Variants in DNAJB9 observed in about 807,000 individuals in gnomAD.
The protein encoded by DNAJB9 is dnaJ homolog subfamily B member 9.
DNAJB9 carries 12 observed loss-of-function variants against 19.2 expected under a neutral mutation model. The ratio of observed to expected loss-of-function variants is 0.62; its 90% CI spans 0.40 to 1.01. The LOEUF is 1.01. DNAJB9 is among the 50% of genes least tolerant of loss of function. The probability of loss-of-function intolerance (pLI) is 0.00; values close to 1 mark genes in which losing one functional copy is unlikely to be tolerated. For missense variants in DNAJB9, 272 were observed against 261.1 expected, an observed-to-expected ratio of 1.04 and a Z score of -0.29; for synonymous variants, 83 against 84.0, an observed-to-expected ratio of 0.99 and a Z score of 0.07.
In DNAJB9 at chr7:108,572,900, A is replaced by G. The variant is rs953514304; in HGVS notation, c.219A>G (p.Ala73=). The part of the protein sequence containing the change: ...AEAKFREIAE[A]YETLSDANRR... ...TAAAAATATTTTTGTCACTTTCAGC[A>G]TATGAAACACTCTCAGATGCTAATA... Residue 73 remains alanine (A), a splice_region_variant and synonymous_variant, in exon 3 of 3, where the codon GCA becomes GCG. Transcript: ENST00000249356. The G allele has an allele frequency of 2.5e-6, 4 of 1,592,502 alleles. No individual in the cohort carries two copies. Among genetic ancestry groups the G allele is most frequent in the Non-Finnish European group, 3.4e-6 (4 of 1,168,700 alleles).
In DNAJB9 at chr7:108,573,127, C is replaced by T. The variant is rs1323335309; in HGVS notation, c.446C>T (p.Ser149Phe). Residue 149 changes from serine (S) to phenylalanine (F), a missense_variant, in exon 3 of 3, where the codon TCC becomes TTC. Coordinates refer to ENST00000249356, the MANE Select transcript of DNAJB9 (RefSeq NM_012328.3). ...NHFQTRQDGG[S>F]SRQRHHFQEF... ...TTCCAGACACGCCAGGATGGTGGTT[C>T]CAGTAGACAAAGGCATCATTTCCAA... is the stretch of plus-strand genomic sequence containing the variant. 5 of 1,613,980 alleles carry T rather than the reference C, an allele frequency of 3.1e-6. No individual in the cohort carries two copies. The highest frequency in any genetic ancestry group is 3.4e-6 in the Non-Finnish European group (4 of 1,179,924).
chr7:108,574,280 T>C lies in DNAJB9; in HGVS notation c.*927T>C, dbSNP rs879197346. On this transcript the variant is annotated 3_prime_UTR_variant, in exon 3 of 3. Transcript: ENST00000249356. ...GTGCTTTTGTTTTCGGATAGACTTA[T>C]TTCTTTAGTTCTGCACTTTTCCACA... 1.3e-5 allele frequency: 2 copies of C among 152,766 alleles called. No homozygotes were observed. Among genetic ancestry groups the C allele is most frequent in the South Asian group, 2.1e-4 (1 of 4,828 alleles). 9.5% of individuals were successfully genotyped at this position (152,766 alleles called of 1,614,324 possible). A position where few individuals can be genotyped will look rare whatever the true frequency, so the allele number is the denominator to read the frequency against.
In DNAJB9 at chr7:108,573,512, A is replaced by G. The variant is rs1790653751; in HGVS notation, c.*159A>G. On this transcript the variant is annotated 3_prime_UTR_variant, in exon 3 of 3. Coordinates refer to ENST00000249356, the MANE Select transcript of DNAJB9 (RefSeq NM_012328.3). ...TTTAAGGGTTTTTTTTTTTTGACAAATTCAACATTCAACGAGTAGACAAAA... is the reference window on the plus strand; with the variant it reads ...TTTAAGGGTTTTTTTTTTTTGACAAGTTCAACATTCAACGAGTAGACAAAA... 2.2e-6 allele frequency: 1 copy of G among 446,892 alleles called. No individual in the cohort carries two copies. The highest frequency in any genetic ancestry group is 3.8e-6 in the Non-Finnish European group (1 of 265,210). The allele number at this position is 446,892 out of a possible 1,614,324, so 27.7% of individuals were successfully genotyped here.
chr7:108,574,201 A>G lies in DNAJB9; in HGVS notation c.*848A>G, dbSNP rs1036859926. The G allele has an allele frequency of 2.0e-5, 3 of 152,596 alleles. No individual in the cohort carries two copies. The highest frequency in any genetic ancestry group is 7.2e-5 in the African/African-American group (3 of 41,448). The allele number at this position is 152,596 out of a possible 1,614,324, so 9.5% of individuals were successfully genotyped here. A position where few individuals can be genotyped will look rare whatever the true frequency, so the allele number is the denominator to read the frequency against. On this transcript the variant is annotated 3_prime_UTR_variant, in exon 3 of 3. Coordinates refer to ENST00000249356, the MANE Select transcript of DNAJB9 (RefSeq NM_012328.3). Reference sequence around the variant, plus strand: ...CCTCATTCTGTTTGTAAAACCAGCCAGTAATTTCTGTGCAACCTTACTATG... The same window carrying G: ...CCTCATTCTGTTTGTAAAACCAGCCGGTAATTTCTGTGCAACCTTACTATG...
chr7:108,569,897 C>T lies in DNAJB9; in HGVS notation c.-217C>T, dbSNP rs180681490. ...CTGAGGTGGTGGCGCCAGCGGCTAC[C>T]TCCTGCCTGTGAGGAGCTGGCTGAG... On this transcript the variant is annotated 5_prime_UTR_variant, in exon 1 of 3. Transcript: ENST00000249356. The T allele has an allele frequency of 1.6e-4, 74 of 449,866 alleles. No homozygotes were observed. The highest frequency in any genetic ancestry group is 1.4e-3 in the East Asian group (34 of 24,266). The allele number at this position is 449,866 out of a possible 1,614,324, so 27.9% of individuals were successfully genotyped here. A position where few individuals can be genotyped will look rare whatever the true frequency, so the allele number is the denominator to read the frequency against.
At chr7:108,570,499 T>G (rs567635947) in intron 1 of DNAJB9, among the ~76,000 whole-genome samples, 2 of 148,004 alleles carry the variant, frequency 1.4e-5, no homozygotes, top group East Asian at 1.9e-4. Context: ...ACAAAACTAG[T>G]CTGCTAAAAA....
rs1790590529 is a variant in DNAJB9 at position 108,570,091 on chromosome 7, T to G, written c.-23T>G. 1 of 173,862 alleles carries G rather than the reference T, an allele frequency of 5.8e-6. No individual in the cohort carries two copies. The highest frequency in any genetic ancestry group is 1.3e-5 in the Non-Finnish European group (1 of 79,130). 10.8% of individuals were successfully genotyped at this position (173,862 alleles called of 1,614,324 possible). A position where few individuals can be genotyped will look rare whatever the true frequency, so the allele number is the denominator to read the frequency against. ...CAGCTCTGTGGAGGAGCAGCAGTAG[T>G]CGGAGGGTGCAGGTGAGGGACGAGG... On this transcript the variant is annotated 5_prime_UTR_variant, in exon 1 of 3. Transcript: ENST00000249356.
Position 108,574,185 on chromosome 7 carries a change from G to A in DNAJB9, c.*832G>A, listed in dbSNP as rs1190006829. ...TAGAGATTGACTGATACCTCATTCTGTTTGTAAAACCAGCCAGTAATTTCT... is the reference window on the plus strand; with the variant it reads ...TAGAGATTGACTGATACCTCATTCTATTTGTAAAACCAGCCAGTAATTTCT... On this transcript the variant is annotated 3_prime_UTR_variant, in exon 3 of 3. Coordinates refer to ENST00000249356, the MANE Select transcript of DNAJB9 (RefSeq NM_012328.3). 1 of 152,508 alleles carries A rather than the reference G, an allele frequency of 6.6e-6. No homozygotes were observed. The highest frequency in any genetic ancestry group is 2.4e-5 in the African/African-American group (1 of 41,410). The allele number at this position is 152,508 out of a possible 1,614,324, so 9.4% of individuals were successfully genotyped here.
In DNAJB9 at chr7:108,574,815, T is replaced by C. The variant is rs1790676640; in HGVS notation, c.*1462T>C. 1 of 152,218 alleles carries C rather than the reference T, an allele frequency of 6.6e-6. No homozygotes were observed. The highest frequency in any genetic ancestry group is 2.1e-4 in the South Asian group (1 of 4,832). 9.4% of individuals were successfully genotyped at this position (152,218 alleles called of 1,614,324 possible). On this transcript the variant is annotated 3_prime_UTR_variant, in exon 3 of 3. Transcript: ENST00000249356. ...TTTCCTGGAAGTTATATCTACTAGT[T>C]TTGTTTGATAATAATAAAATTAGCT...
intron 1 of DNAJB9, among the ~76,000 whole-genome samples, chr7:108,571,407 A>G (rs1325752299): frequency 5.3e-5 from 8 of 151,810 alleles, no homozygotes; most frequent in Admixed American, 5.2e-4. Flanking sequence ...TTTTCTTACA[A>G]TGCTTGCATA....
rs1564013503 is a variant in DNAJB9, at chr7:108,569,964, G to T, written c.-150G>T. 1 of 301,284 alleles carries T rather than the reference G, an allele frequency of 3.3e-6. No homozygotes were observed. The highest frequency in any genetic ancestry group is 6.5e-6 in the Non-Finnish European group (1 of 154,166). The allele number at this position is 301,284 out of a possible 1,614,324, so 18.7% of individuals were successfully genotyped here. Reference sequence around the variant, plus strand: ...GCGGGGAAGGAGGAGCGCTAGGTCGGTGTACGACCGAGATTAGGGTGCGTG... The same window carrying T: ...GCGGGGAAGGAGGAGCGCTAGGTCGTTGTACGACCGAGATTAGGGTGCGTG... On this transcript the variant is annotated 5_prime_UTR_variant, in exon 1 of 3. Coordinates refer to ENST00000249356, the MANE Select transcript of DNAJB9 (RefSeq NM_012328.3).
At chr7:108,572,043 G>A in intron 2 of DNAJB9, 100 bp downstream of exon 2, 1 of 1,126,088 alleles carries the variant, frequency 8.9e-7, no homozygotes, top group Non-Finnish European at 1.3e-6. Flanking sequence ...GAGATGGGAG[G>A]TGGAGTGGGA....
rs1345819313 is a variant in DNAJB9 at position 108,573,518 on chromosome 7, C to T, written c.*165C>T. On this transcript the variant is annotated 3_prime_UTR_variant, in exon 3 of 3. Transcript: ENST00000249356. ...GGTTTTTTTTTTTTGACAAATTCAA[C>T]ATTCAACGAGTAGACAAAATGCTAA... 4.5e-6 allele frequency: 2 copies of T among 447,090 alleles called. No homozygotes were observed. The highest frequency in any genetic ancestry group is 4.0e-5 in the Admixed American group (1 of 24,856). The allele number at this position is 447,090 out of a possible 1,614,324, so 27.7% of individuals were successfully genotyped here.
intron 1 of DNAJB9, among the ~76,000 whole-genome samples, 174 bp downstream of exon 1, chr7:108,570,277 G>A (rs564821422): frequency 6.6e-6 from 1 of 152,122 alleles, no homozygotes; most frequent in Non-Finnish European, 1.5e-5. Flanking sequence ...TCACAGAATC[G>A]TGTTTTGGGT....
intron 2 of DNAJB9, among the ~76,000 whole-genome samples, chr7:108,572,493 C>G (rs1168801327): frequency 6.6e-6 from 1 of 152,102 alleles, no homozygotes; most frequent in Non-Finnish European, 1.5e-5. Context: ...AAACAGTTTA[C>G]TTTAGTAAGG....
Position 108,572,893 on chromosome 7 carries a change from T to C in DNAJB9, c.218-6T>C. On this transcript the variant is annotated splice_polypyrimidine_tract_variant and splice_region_variant and intron_variant, in intron 2 of 2. Coordinates refer to ENST00000249356, the MANE Select transcript of DNAJB9 (RefSeq NM_012328.3). ...CAGTTACTAAAAATATTTTTGTCACTTTCAGCATATGAAACACTCTCAGAT... is the reference window on the plus strand; with the variant it reads ...CAGTTACTAAAAATATTTTTGTCACCTTCAGCATATGAAACACTCTCAGAT... 6.3e-7 allele frequency: 1 copy of C among 1,582,156 alleles called. No individual in the cohort carries two copies. The highest frequency in any genetic ancestry group is 1.2e-5 in the South Asian group (1 of 85,796).
chr7:108,570,480 CTG>C (rs1790600255), intron 1 of DNAJB9, among the ~76,000 whole-genome samples: 1 of 151,384 alleles, frequency 6.6e-6, no homozygotes, highest in African/African-American at 2.5e-5. Flanking sequence ...GATGAGAAGT[CTG>C]TACAATACAA....
At chr7:108,570,730 C>T (rs1188678580) in intron 1 of DNAJB9, among the ~76,000 whole-genome samples, 4 of 152,116 alleles carry the variant, frequency 2.6e-5, no homozygotes, top group African/African-American at 7.2e-5. Flanking sequence ...ATCTACCTGC[C>T]TGCTAATTAC....
At position 108,574,732 on chromosome 7, in the gene DNAJB9, T is replaced by A. The variant is rs972345109; in HGVS notation, c.*1379T>A. On this transcript the variant is annotated 3_prime_UTR_variant, in exon 3 of 3. Coordinates refer to ENST00000249356, the MANE Select transcript of DNAJB9 (RefSeq NM_012328.3). Reference sequence around the variant, plus strand: ...CTTTACATAAAGCTGTATTTCTTAATCATCTTTAATTTGAAACTTAAGAAA... The same window carrying A: ...CTTTACATAAAGCTGTATTTCTTAAACATCTTTAATTTGAAACTTAAGAAA... 2.6e-5 allele frequency: 4 copies of A among 152,254 alleles called. No individual in the cohort carries two copies. Among genetic ancestry groups the A allele is most frequent in the Admixed American group, 2.6e-4 (4 of 15,292 alleles). The allele number at this position is 152,254 out of a possible 1,614,324, so 9.4% of individuals were successfully genotyped here. A position where few individuals can be genotyped will look rare whatever the true frequency, so the allele number is the denominator to read the frequency against.
Sources: allele counts gnomAD v4.1 joint callset (sites outside exome capture counted in the v4.1 genomes callset), GRCh38; gene constraint gnomAD v4.1.1; transcripts MANE v1.5; gene names NCBI Gene and HGNC (gene_info 2026-07-23, HGNC 2026-07-21).